PPM1E: variants seen among roughly 807,000 people sequenced by gnomAD.
PPM1E encodes protein phosphatase, Mg2+/Mn2+ dependent 1E.
A neutral mutation model predicts 65.9 loss-of-function variants in PPM1E; 20 were observed. The ratio of observed to expected loss-of-function variants is 0.30; its 90% CI spans 0.21 to 0.44. The LOEUF is 0.44. Ranked by LOEUF, PPM1E falls within the 20% of genes least tolerant of loss-of-function variation. The probability of loss-of-function intolerance (pLI) is 1.00; values close to 1 mark genes in which losing one functional copy is unlikely to be tolerated. For synonymous variants in PPM1E, 352 were observed against 374.9 expected (o/e 0.94, Z 0.70); for missense variants, 713 against 953.1 (o/e 0.75, Z 3.32).
At chr17:58,938,435 A>C (rs1598662548) in intron 1 of PPM1E, among the ~76,000 whole-genome samples, 1 of 152,162 alleles carries the variant, frequency 6.6e-6, no homozygotes, top group Non-Finnish European at 1.5e-5. Context: ...GTGTGTGTGT[A>C]ACTATGTATT....
At chr17:58,862,106 C>A (rs185557336) in intron 1 of PPM1E, among the ~76,000 whole-genome samples, 2 of 152,222 alleles carry the variant, frequency 1.3e-5, no homozygotes, top group East Asian at 1.9e-4. Context: ...AACATATATC[C>A]TTTTAATACA....
chr17:58,930,966 C>A (rs1395077538), intron 1 of PPM1E, among the ~76,000 whole-genome samples: 1 of 150,710 alleles, frequency 6.6e-6, no homozygotes, highest in Non-Finnish European at 1.5e-5. Flanking sequence ...GTAATCCCAG[C>A]ACTTTGGGAG....
chr17:58,981,022 A>G lies in PPM1E; in HGVS notation c.2259A>G (p.Lys753=). Residue 753 remains lysine, a synonymous_variant, in exon 7 of 7, where the codon AAA becomes AAG. Coordinates refer to ENST00000308249, the MANE Select transcript of PPM1E (RefSeq NM_014906.5). The part of the protein sequence containing the change: ...IPCPDLPWSY[K]IE ...GCCCAGATCTTCCTTGGAGCTATAA[A>G]ATAGAATAATTTTTCTTTCAAGTAG... 1.3e-6 allele frequency: 2 copies of G among 1,583,586 alleles called. No homozygotes were observed. Among genetic ancestry groups the G allele is most frequent in the Non-Finnish European group, 1.7e-6 (2 of 1,169,636 alleles).
At chr17:58,874,705 A>T (rs887495831) in intron 1 of PPM1E, among the ~76,000 whole-genome samples, 2 of 152,176 alleles carry the variant, frequency 1.3e-5, no homozygotes, top group Non-Finnish European at 2.9e-5. Flanking sequence ...CATTTTCTCC[A>T]TGACTTATTG....
intron 1 of PPM1E, among the ~76,000 whole-genome samples, chr17:58,843,685 G>T (rs1302997119): frequency 6.6e-6 from 1 of 152,024 alleles, no homozygotes; most frequent in African/African-American, 2.4e-5. Flanking sequence ...GCAAAAATTA[G>T]CTGGGCATGG....
intron 1 of PPM1E, among the ~76,000 whole-genome samples, chr17:58,792,743 CTTTTTTTTTTTT>C (rs780992600): frequency 2.0e-4 from 15 of 76,378 alleles, no homozygotes; most frequent in Middle Eastern, 9.6e-3. Context: ...GAATTTTACT[CTTTTTTTTTTTT>C]TTTTTTTTTT....
intron 6 of PPM1E, among the ~76,000 whole-genome samples, chr17:58,974,005 T>C (rs1180321701): frequency 1.3e-5 from 2 of 149,262 alleles, no homozygotes; most frequent in Non-Finnish European, 3.0e-5. Flanking sequence ...GGCTTGTGCC[T>C]GTAGTCCTAG....
At chr17:58,978,711 T>A (rs1411555120) in intron 6 of PPM1E, among the ~76,000 whole-genome samples, 1 of 151,966 alleles carries the variant, frequency 6.6e-6, no homozygotes, top group East Asian at 1.9e-4. Context: ...AAAATAAAAA[T>A]AAAAAAGTGA....
At chr17:58,784,147 C>T (rs756224924) in intron 1 of PPM1E, among the ~76,000 whole-genome samples, 24 of 151,876 alleles carry the variant, frequency 1.6e-4, no homozygotes, top group Non-Finnish European at 2.8e-4. Flanking sequence ...CTTAGCCTCC[C>T]GAGTAGCTGG....
chr17:58,809,050 A>C (rs1245224215), intron 1 of PPM1E, among the ~76,000 whole-genome samples: 1 of 152,116 alleles, frequency 6.6e-6, no homozygotes, highest in African/African-American at 2.4e-5. Context: ...TTCTTCTTAA[A>C]TTGAAGTATA....
chr17:58,759,000 G>A (rs1003535815), intron 1 of PPM1E, among the ~76,000 whole-genome samples: 1 of 152,108 alleles, frequency 6.6e-6, no homozygotes, highest in Non-Finnish European at 1.5e-5. Context: ...AACCCAGGAG[G>A]CGGAGGTTGC....
chr17:58,955,448 G>A (rs2029869243), intron 1 of PPM1E: 1 of 639,044 alleles, frequency 1.6e-6, no homozygotes, highest in African/African-American at 1.8e-5. Context: ...AGCTCCTTTA[G>A]GTAAGGAGCC....
chr17:58,829,722 T>C (rs906150308), intron 1 of PPM1E, among the ~76,000 whole-genome samples: 7 of 152,208 alleles, frequency 4.6e-5, no homozygotes, highest in African/African-American at 1.7e-4. Context: ...TTTACTAGTC[T>C]TTTTATAAAA....
At chr17:58,806,605 T>C (rs1249728958) in intron 1 of PPM1E, among the ~76,000 whole-genome samples, 1 of 152,060 alleles carries the variant, frequency 6.6e-6, no homozygotes, top group Admixed American at 6.6e-5. Context: ...TAATATAGAC[T>C]TGACTTGAGA....
intron 1 of PPM1E, among the ~76,000 whole-genome samples, chr17:58,800,128 G>C (rs2050245146): frequency 6.6e-6 from 1 of 151,978 alleles, no homozygotes; most frequent in African/African-American, 2.4e-5. Context: ...ACATATAGAT[G>C]GATGTTGAAC....
chr17:58,940,580 C>G (rs1188898121), intron 1 of PPM1E, among the ~76,000 whole-genome samples: 1 of 152,160 alleles, frequency 6.6e-6, no homozygotes. Context: ...GCCTTATTCT[C>G]TAAAGTTTTC....
At chr17:58,923,058 G>A (rs2051773103) in intron 1 of PPM1E, among the ~76,000 whole-genome samples, 1 of 152,026 alleles carries the variant, frequency 6.6e-6, no homozygotes, top group African/African-American at 2.4e-5. Flanking sequence ...TGCCAAGACA[G>A]CTGGATCACT....
chr17:58,979,119 G>A (rs1199949528), intron 6 of PPM1E, among the ~76,000 whole-genome samples: 1 of 152,214 alleles, frequency 6.6e-6, no homozygotes, highest in Non-Finnish European at 1.5e-5. Context: ...AAAAGGAAGA[G>A]AGAAAGGCCC....
In PPM1E at chr17:58,923,532, G is replaced by C. The variant is rs532362538; in HGVS notation, c.465-32117G>C. Among the ~76,000 whole-genome samples, 30 of 151,880 alleles carry C rather than the reference G, an allele frequency of 2.0e-4. 3 individuals carry two copies. The South Asian group carries it at 6.2e-3, about 32-fold the overall frequency. ...AGGCCAAGGTGGACAGATCACCTAA[G>C]GTCAGGAGTTCAAGACCAGCCTGGC... On this transcript the variant is annotated intron_variant, in intron 1 of 6. Transcript: ENST00000308249.
Sources: allele counts gnomAD v4.1 joint callset (sites outside exome capture counted in the v4.1 genomes callset), GRCh38; gene constraint gnomAD v4.1.1; transcripts MANE v1.5; gene names NCBI Gene and HGNC (gene_info 2026-07-23, HGNC 2026-07-21).